Variants in HOMER1 observed in about 807,000 individuals in gnomAD.
The protein encoded by HOMER1 is homer scaffold protein 1.
HOMER1 carries 3 observed loss-of-function variants against 48.9 expected under a neutral mutation model. The observed-to-expected ratio is 0.06, with a 90% confidence interval of 0.03 to 0.16. The LOEUF (loss-of-function observed/expected upper bound fraction) is 0.16. HOMER1 is among the 10% of genes least tolerant of loss of function. The pLI is 1.00. For missense variants in HOMER1, 247 were observed against 411.4 expected (o/e 0.60, Z 3.46); for synonymous variants, 134 against 146.4 (o/e 0.92, Z 0.61).
At chr5:79,419,501 CT>C (rs1357826068) in intron 5 of HOMER1, among the ~76,000 whole-genome samples, 1 of 151,820 alleles carries the variant, frequency 6.6e-6, no homozygotes, top group Non-Finnish European at 1.5e-5. Flanking sequence ...GTTTTATGAG[CT>C]TGTGGTAAGT....
chr5:79,485,652 G>GT (rs1425335970), intron 1 of HOMER1, among the ~76,000 whole-genome samples: 1 of 152,176 alleles, frequency 6.6e-6, no homozygotes, highest in Non-Finnish European at 1.5e-5. Context: ...ACAAACTGTG[G>GT]TAAGTGTTAC....
intron 4 of HOMER1, among the ~76,000 whole-genome samples, chr5:79,445,351 A>G (rs1750846791): frequency 6.6e-6 from 1 of 152,218 alleles, no homozygotes. Context: ...AATTAAAATA[A>G]AAATTAATTT....
At chr5:79,457,105 C>T in intron 1 of HOMER1, 87 bp from the exon 2 acceptor site, 1 of 1,258,058 alleles carries the variant, frequency 7.9e-7, no homozygotes, top group Non-Finnish European at 1.1e-6. Flanking sequence ...AAGGATGATT[C>T]TGCTTAATCA....
At chr5:79,407,244 G>A (rs1749688365) in intron 5 of HOMER1, among the ~76,000 whole-genome samples, 1 of 151,138 alleles carries the variant, frequency 6.6e-6, no homozygotes, top group Non-Finnish European at 1.5e-5. Flanking sequence ...AGGAAATAGT[G>A]TTCATCATTA....
At chr5:79,493,061 G>A (rs1752331058) in intron 1 of HOMER1, among the ~76,000 whole-genome samples, 1 of 151,770 alleles carries the variant, frequency 6.6e-6, no homozygotes, top group Non-Finnish European at 1.5e-5. Flanking sequence ...TGGAACTACA[G>A]GCATGCACCA....
chr5:79,446,801 C>T (rs1750894982), intron 4 of HOMER1, among the ~76,000 whole-genome samples: 1 of 130,768 alleles, frequency 7.6e-6, no homozygotes, highest in African/African-American at 3.0e-5. Flanking sequence ...CCACACTTGG[C>T]TAATTTTTTT....
chr5:79,390,746 A>G (rs1749228035), intron 8 of HOMER1, among the ~76,000 whole-genome samples: 1 of 152,180 alleles, frequency 6.6e-6, no homozygotes, highest in African/African-American at 2.4e-5. Context: ...TGTGATCCCA[A>G]TGCAATAGAA....
intron 1 of HOMER1, among the ~76,000 whole-genome samples, chr5:79,503,025 G>T (rs975875180): frequency 2.6e-5 from 4 of 152,036 alleles, no homozygotes; most frequent in Non-Finnish European, 5.9e-5. Flanking sequence ...CTGACCTCGT[G>T]ATCTGCCCGC....
intron 1 of HOMER1, among the ~76,000 whole-genome samples, chr5:79,477,244 C>T (rs1460164457): frequency 1.3e-5 from 2 of 152,308 alleles, no homozygotes; most frequent in South Asian, 4.1e-4. Flanking sequence ...TCCAAGCTGA[C>T]GTTAAGAATT....
chr5:79,429,359 A>G (rs1228210231), intron 5 of HOMER1, among the ~76,000 whole-genome samples: 1 of 152,198 alleles, frequency 6.6e-6, no homozygotes, highest in African/African-American at 2.4e-5. Flanking sequence ...TGGGTGACAA[A>G]GCAAGACTCT....
At chr5:79,488,637 T>A (rs1475425589) in intron 1 of HOMER1, among the ~76,000 whole-genome samples, 3 of 152,226 alleles carry the variant, frequency 2.0e-5, no homozygotes, top group Non-Finnish European at 4.4e-5. Flanking sequence ...TTACTGTACA[T>A]CCTTCACATA....
At chr5:79,381,755 T>C (rs571738087) in intron 8 of HOMER1, among the ~76,000 whole-genome samples, 2 of 152,118 alleles carry the variant, frequency 1.3e-5, no homozygotes, top group Admixed American at 1.3e-4. Flanking sequence ...CATGGTGGTA[T>C]GCACCTGTAA....
chr5:79,373,827 T>C lies in HOMER1; in HGVS notation c.*2182A>G, dbSNP rs1392856438. On this transcript the variant is annotated 3_prime_UTR_variant, in exon 9 of 9. Transcript: ENST00000334082. ...TTCCAATTTTAAATTTCATTATCAG[T>C]AGGAAAGTATTAAAAATAATTTTCT... The C allele has an allele frequency of 4.6e-5, 7 of 152,086 alleles. No homozygotes were observed. 9.4% of individuals were successfully genotyped at this position (152,086 alleles called of 1,614,324 possible). A position where few individuals can be genotyped will look rare whatever the true frequency, so the allele number is the denominator to read the frequency against.
chr5:79,511,714 A>T (rs1292785755), intron 1 of HOMER1, among the ~76,000 whole-genome samples: 1 of 152,256 alleles, frequency 6.6e-6, no homozygotes, highest in Non-Finnish European at 1.5e-5. Context: ...TTTCAAAGTT[A>T]TGCATGTTAA....
intron 5 of HOMER1, among the ~76,000 whole-genome samples, chr5:79,404,685 T>C (rs1749617811): frequency 6.6e-6 from 1 of 151,992 alleles, no homozygotes; most frequent in African/African-American, 2.4e-5. Context: ...CAAGAGGATC[T>C]TGACATTCTG....
chr5:79,480,005 C>A (rs1751902217), intron 1 of HOMER1, among the ~76,000 whole-genome samples: 1 of 152,036 alleles, frequency 6.6e-6, no homozygotes, highest in Non-Finnish European at 1.5e-5. Flanking sequence ...TGTCATGGGA[C>A]AAGTTATAGC....
chr5:79,494,251 C>T (rs58844043), intron 1 of HOMER1, among the ~76,000 whole-genome samples: 1,933 of 152,302 alleles, frequency 0.013, 51 homozygotes, highest in African/African-American at 0.043. Flanking sequence ...ACTCTATCCT[C>T]AGCCCAGTTC....
At chr5:79,394,713 A>C (rs898693847) in intron 8 of HOMER1, among the ~76,000 whole-genome samples, 1 of 152,150 alleles carries the variant, frequency 6.6e-6, no homozygotes, top group African/African-American at 2.4e-5. Flanking sequence ...ACAGGTGCAC[A>C]CCACCACTCC....
rs1752384052 is a variant in HOMER1 at position 79,495,075 on chromosome 5, A to T, written c.5+17695T>A. On this transcript the variant is annotated intron_variant, in intron 1 of 8. Coordinates refer to ENST00000334082, the MANE Select transcript of HOMER1 (RefSeq NM_004272.5). ...ATATACACATTAAATATCTATATAT[A>T]TTAACACAAAGAATACATGTAATTT... 2.6e-5 allele frequency among the ~76,000 whole-genome samples: 4 copies of T among 152,306 alleles called. No individual in the cohort carries two copies. In the South Asian group the frequency reaches 8.3e-4, roughly 32 times the overall value.
Sources: allele counts gnomAD v4.1 joint callset (sites outside exome capture counted in the v4.1 genomes callset), GRCh38; gene constraint gnomAD v4.1.1; transcripts MANE v1.5; gene names NCBI Gene and HGNC (gene_info 2026-07-23, HGNC 2026-07-21).